Variants in CNOT10 observed in about 807,000 individuals in gnomAD.
CNOT10 encodes CCR4-NOT transcription complex, subunit 10.
A neutral mutation model predicts 94.6 loss-of-function variants in CNOT10; 30 were observed. That is an observed-to-expected ratio of 0.32 (90% CI 0.24 to 0.43). The LOEUF is 0.43. Among genes scored for constraint, CNOT10 ranks in the 20% least tolerant of loss-of-function variants. CNOT10 has a pLI of 1.00. For missense variants in CNOT10, 759 were observed against 877.2 expected (o/e 0.87, Z 1.70); for synonymous variants, 289 against 301.6 (o/e 0.96, Z 0.43).
chr3:32,766,587 C>T (rs1245300511), intron 17 of CNOT10, among the ~76,000 whole-genome samples: 1 of 112,546 alleles, frequency 8.9e-6, no homozygotes, highest in South Asian at 3.2e-4. Flanking sequence ...GAGCCAAGAT[C>T]GCGCCACTGC....
At chr3:32,764,328 C>T (rs1483412638) in intron 15 of CNOT10, 127 bp from the exon 16 acceptor site, 10 of 889,438 alleles carry the variant, frequency 1.1e-5, no homozygotes, top group Non-Finnish European at 1.5e-5. Flanking sequence ...CAGAGCGAGG[C>T]TCCATCTCAA....
intron 3 of CNOT10, among the ~76,000 whole-genome samples, chr3:32,705,359 T>G (rs114418585): frequency 1.3e-5 from 2 of 152,296 alleles, no homozygotes; most frequent in Non-Finnish European, 2.9e-5. Flanking sequence ...ATAGAAGATA[T>G]TCTGCTTTGT....
At chr3:32,686,083 C>T (rs1407925236) in intron 1 of CNOT10, among the ~76,000 whole-genome samples, 1 of 152,184 alleles carries the variant, frequency 6.6e-6, no homozygotes, top group Non-Finnish European at 1.5e-5. Flanking sequence ...TATTGTCTCT[C>T]TACAGTCTGT....
At chr3:32,735,860 T>C (rs1699164393) in intron 12 of CNOT10, among the ~76,000 whole-genome samples, 1 of 152,136 alleles carries the variant, frequency 6.6e-6, no homozygotes, top group Non-Finnish European at 1.5e-5. Flanking sequence ...TTCAAAATTA[T>C]GCAAATCTAG....
intron 3 of CNOT10, among the ~76,000 whole-genome samples, chr3:32,707,473 G>C (rs970540822): frequency 7.2e-5 from 11 of 152,152 alleles, no homozygotes; most frequent in African/African-American, 2.7e-4. Flanking sequence ...TAAGTTTTCT[G>C]TGCTGGTTTC....
At chr3:32,717,053 G>C in intron 6 of CNOT10, 101 bp from the exon 7 acceptor site, 1 of 608,812 alleles carries the variant, frequency 1.6e-6, no homozygotes, top group African/African-American at 1.9e-5. Flanking sequence ...CAAGTAATTA[G>C]TGTAACTATG....
At position 32,727,773 on chromosome 3, in the gene CNOT10, C is replaced by G. The variant is rs1413390710; in HGVS notation, c.1118C>G (p.Ala373Gly). Residue 373 changes from alanine to glycine, a missense_variant, in exon 10 of 19, where the codon GCT becomes GGT. Physicochemically the swap from Ala to Gly is moderately conservative, Grantham distance 60. Transcript: ENST00000328834. ...IQLLHIGRPL[A>G]AFECLIEAVQ... Reference sequence around the variant, plus strand: ...CTTCTTCACATTGGAAGGCCTCTTGCTGCCTTCGAATGTCTGATTGAAGCT... The same window carrying G: ...CTTCTTCACATTGGAAGGCCTCTTGGTGCCTTCGAATGTCTGATTGAAGCT... The G allele has an allele frequency of 1.2e-6, 2 of 1,613,812 alleles. No homozygotes were observed. The highest frequency in any genetic ancestry group is 2.2e-5 in the East Asian group (1 of 44,892).
intron 10 of CNOT10, among the ~76,000 whole-genome samples, chr3:32,732,719 G>T (rs531817279): frequency 1.8e-4 from 27 of 152,324 alleles, no homozygotes; most frequent in Non-Finnish European, 3.5e-4. Context: ...GGGATTACGG[G>T]CATGAACCAC....
chr3:32,764,939 T>C (rs770767500), intron 17 of CNOT10, 130 bp downstream of exon 17: 3 of 1,504,532 alleles, frequency 2.0e-6, no homozygotes, highest in South Asian at 1.3e-5. Context: ...TTCCCAGATA[T>C]AAAAATATTC....
chr3:32,769,959 A>G lies in CNOT10; in HGVS notation c.2077A>G (p.Asn693Asp). The G allele has an allele frequency of 6.2e-7, 1 of 1,609,188 alleles. No individual in the cohort carries two copies. ...ILLAVYLELQ[N>D]GNTQLALQII... ...GCTGGCAGTCTACCTTGAACTGCAG[A>G]ATGGTGAGTAATTCTCTCTGTTTAG... The change falls in exon 18 of 19, where the codon AAT becomes GAT. Residue 693 changes from asparagine (N) to aspartate (D), a missense_variant. This residue lies in a region of CNOT10 where 73 missense variants were observed against 61.0 expected (regional missense o/e 1.20). Transcript: ENST00000328834.
chr3:32,730,388 T>G (rs1474049482), intron 10 of CNOT10, among the ~76,000 whole-genome samples: 1 of 152,090 alleles, frequency 6.6e-6, no homozygotes, highest in East Asian at 1.9e-4. Context: ...CCTGTTTTTT[T>G]TTCTAGAAAA....
rs141202644 is a variant in CNOT10 at position 32,698,749 on chromosome 3, A to G, written c.23-5119A>G. 9.5e-4 allele frequency among the ~76,000 whole-genome samples: 145 copies of G among 152,268 alleles called. 4 individuals are homozygous for G. In the East Asian group the frequency reaches 0.024, roughly 25 times the overall value. On this transcript the variant is annotated intron_variant, in intron 1 of 18. Coordinates refer to ENST00000328834, the MANE Select transcript of CNOT10 (RefSeq NM_015442.3). ...ACTGACTGCTGACATGTGCCAGGCT[A>G]GGACTTCCCAAAGTTAGTTCTGTTG...
At chr3:32,745,634 A>G (rs868284932) in intron 13 of CNOT10, among the ~76,000 whole-genome samples, 3 of 152,252 alleles carry the variant, frequency 2.0e-5, no homozygotes, top group Non-Finnish European at 2.9e-5. Context: ...TAGCCCAGGT[A>G]TTCATCAGTA....
intron 12 of CNOT10, among the ~76,000 whole-genome samples, chr3:32,735,422 A>T (rs949097494): frequency 1.3e-5 from 2 of 152,106 alleles, no homozygotes; most frequent in East Asian, 3.9e-4. Flanking sequence ...TTTAAAAAAA[A>T]TTTGGCCAGG....
intron 1 of CNOT10, among the ~76,000 whole-genome samples, chr3:32,692,277 G>T (rs563084934): frequency 7.9e-5 from 12 of 152,218 alleles, no homozygotes; most frequent in Non-Finnish European, 1.6e-4. Context: ...AAATTTATTT[G>T]TAGGCACAGG....
In CNOT10 at chr3:32,759,470, T is replaced by TG. The variant is rs1184383652; in HGVS notation, c.1609dup (p.Ala537GlyfsTer12). On this transcript the variant is annotated frameshift_variant, in exon 14 of 19. Coordinates refer to ENST00000328834, the MANE Select transcript of CNOT10 (RefSeq NM_015442.3). LOFTEE classifies it high-confidence loss of function. ...TTTTGTGTTATAGGTGCTCCATACT[T>TG]GCTTGCAGTGCCTACGTGGCTCTGG... The TG allele has an allele frequency of 6.2e-7, 1 of 1,613,474 alleles. No homozygotes were observed. The highest frequency in any genetic ancestry group is 1.3e-5 in the African/African-American group (1 of 74,912).
chr3:32,765,067 T>C (rs1026064545), intron 17 of CNOT10: 207 of 1,215,778 alleles, frequency 1.7e-4, no homozygotes, highest in Non-Finnish European at 2.1e-4. Context: ...GGCTCATGCC[T>C]CCCAGCACTT....
chr3:32,697,330 A>T (rs1263830727), intron 1 of CNOT10, among the ~76,000 whole-genome samples: 1 of 151,948 alleles, frequency 6.6e-6, no homozygotes, highest in Admixed American at 6.6e-5. Flanking sequence ...GAAGCTCAAA[A>T]TTTTCAACAC....
At chr3:32,769,760 T>TAG in intron 17 of CNOT10, 127 bp from the exon 18 acceptor site, 1 of 702,538 alleles carries the variant, frequency 1.4e-6, no homozygotes. Flanking sequence ...GAACAACAGG[T>TAG]AGTCCCTAGG....
Sources: gnomAD v4.1 joint callset for allele counts (sites outside exome capture counted in the v4.1 genomes callset) on GRCh38, gnomAD v4.1.1 for gene constraint, gnomAD v4.1.1 regional missense constraint, MANE v1.5 for transcripts, NCBI Gene and HGNC (gene_info 2026-07-23, HGNC 2026-07-21) for gene names.